ATP5ME: variants seen among roughly 807,000 people sequenced by gnomAD.
The protein encoded by ATP5ME is ATP synthase F(0) complex subunit e, mitochondrial.
In ATP5ME, 10 loss-of-function variants were observed where a neutral mutation model predicts 11.6. The ratio of observed to expected loss-of-function variants is 0.86; its 90% CI spans 0.53 to 1.46. The LOEUF (loss-of-function observed/expected upper bound fraction) is 1.46, where lower values mean the gene tolerates loss of function less well. Ranked by LOEUF, ATP5ME falls within the 40% of genes most tolerant of loss-of-function variation. The pLI is 0.00. For synonymous variants in ATP5ME, 45 were observed against 33.5 expected, an observed-to-expected ratio of 1.34 and a Z score of -1.19; for missense variants, 115 against 85.4, an observed-to-expected ratio of 1.35 and a Z score of -1.37.
Position 674,213 on chromosome 4 carries a change from T to A in ATP5ME, c.35A>T (p.Lys12Met). 1.2e-6 allele frequency: 2 copies of A among 1,611,638 alleles called. No homozygotes were observed. The highest frequency in any genetic ancestry group is 1.7e-6 in the Non-Finnish European group (2 of 1,179,260). Reference protein sequence around the residue: ...VPPVQVSPLIKLGRYSALFLG... With the variant: ...VPPVQVSPLIMLGRYSALFLG... ...CGGCGGCTGCAAAGCCTGGATCACC[T>A]TGATGAGCGGAGAGACCTGCACCGG... The change falls in exon 1 of 4, where the codon AAG (lysine) becomes ATG (methionine). Residue 12 changes from lysine (K) to methionine (M), a missense_variant and splice_region_variant. Physicochemically the swap from Lys to Met is moderately conservative, Grantham distance 95. Transcript: ENST00000304312.
At chr4:674,014 CG>C in intron 1 of ATP5ME, 48 bp from the exon 2 acceptor site, 1 of 874,354 alleles carries the variant, frequency 1.1e-6, no homozygotes. Context: ...GCTCGCGGGA[CG>C]GGGGTCGCGG....
rs771318416 is a variant in ATP5ME at position 672,489 on chromosome 4, C to G, written c.*11G>C. ...TCCGCTGCTGGTCCAAAGAGTGGGT[C>G]GCAGGGTCACTCACTTTAATATGCT... On this transcript the variant is annotated 3_prime_UTR_variant, in exon 4 of 4. Coordinates refer to ENST00000304312, the MANE Select transcript of ATP5ME (RefSeq NM_007100.4). 6.2e-7 allele frequency: 1 copy of G among 1,613,908 alleles called. No homozygotes were observed. The highest frequency in any genetic ancestry group is 1.1e-5 in the South Asian group (1 of 91,066).
chr4:673,412 G>C lies in ATP5ME; in HGVS notation c.92-11C>G. Reference sequence around the variant, plus strand: ...GAGGTTTTAGGTAATCTGTTTGGCGGAATGCAGGAGAATAAAATTCACTGG... The same window carrying C: ...GAGGTTTTAGGTAATCTGTTTGGCGCAATGCAGGAGAATAAAATTCACTGG... On this transcript the variant is annotated splice_polypyrimidine_tract_variant and intron_variant, in intron 2 of 3. Transcript: ENST00000304312. 6.2e-7 allele frequency: 1 copy of C among 1,614,076 alleles called. No individual in the cohort carries two copies. Among genetic ancestry groups the C allele is most frequent in the Admixed American group, 1.7e-5 (1 of 60,024 alleles).
At chr4:673,622 G>A in intron 2 of ATP5ME, 1 of 815,448 alleles carries the variant, frequency 1.2e-6, no homozygotes, top group Non-Finnish European at 1.9e-6. Flanking sequence ...TGGCTCACTC[G>A]TCCTCTGCGA....
chr4:673,428 A>G, intron 2 of ATP5ME, 27 bp from the exon 3 acceptor site: 1 of 1,613,948 alleles, frequency 6.2e-7, no homozygotes, highest in Non-Finnish European at 8.5e-7. Context: ...AGGAGAATAA[A>G]ATTCACTGGA....
intron 1 of ATP5ME, 75 bp from the exon 2 acceptor site, chr4:674,041 G>T: frequency 6.6e-7 from 1 of 1,515,414 alleles, no homozygotes; most frequent in East Asian, 2.5e-5. Flanking sequence ...GGGGGGGCGG[G>T]GTCGCTGGGC....
At chr4:673,218 G>C in intron 3 of ATP5ME, 85 bp downstream of exon 3, 1 of 1,601,150 alleles carries the variant, frequency 6.2e-7, no homozygotes, top group Non-Finnish European at 8.5e-7. Flanking sequence ...CATCTACTTA[G>C]CTCTGCTTAA....
intron 2 of ATP5ME, chr4:673,700 G>T: frequency 1.2e-6 from 1 of 810,984 alleles, no homozygotes; most frequent in Non-Finnish European, 2.0e-6. Context: ...TCACCAAGAA[G>T]CAGCCGTTTT....
At position 673,302 on chromosome 4, in the gene ATP5ME, C is replaced by G. The variant is rs113061105; in HGVS notation, c.190+1G>C. The G allele has an allele frequency of 6.2e-7, 1 of 1,614,090 alleles. No individual in the cohort carries two copies. The highest frequency in any genetic ancestry group is 2.2e-5 in the East Asian group (1 of 44,900). ...TCTATAAGAGCCAGTGTCACTCGTA[C>G]CTTCTGCCAATTCTCTGGCAATCCG... On this transcript the variant is annotated splice_donor_variant, in intron 3 of 3. Coordinates refer to ENST00000304312, the MANE Select transcript of ATP5ME (RefSeq NM_007100.4). LOFTEE classifies it high-confidence loss of function.
At chr4:674,101 G>A (rs1738662991) in intron 1 of ATP5ME, 111 bp downstream of exon 1, 1 of 1,455,554 alleles carries the variant, frequency 6.9e-7, no homozygotes, top group Non-Finnish European at 9.3e-7. Context: ...GGGTCACGGG[G>A]CGAGGATCAT....
chr4:673,272 G>T (rs761788482), intron 3 of ATP5ME, 31 bp downstream of exon 3: 11 of 1,613,970 alleles, frequency 6.8e-6, no homozygotes, highest in Non-Finnish European at 9.3e-6. Context: ...ACCTGGGAGG[G>T]ACAATCTATA....
At chr4:673,498 C>T (rs996728442) in intron 2 of ATP5ME, 97 bp from the exon 3 acceptor site, 13 of 1,586,364 alleles carry the variant, frequency 8.2e-6, no homozygotes, top group Non-Finnish European at 1.1e-5. Flanking sequence ...CGCTGTAAAC[C>T]AGACGCACCT....
At position 672,529 on chromosome 4, in the gene ATP5ME, G is replaced by C. The variant is rs1188502348; in HGVS notation, c.191-10C>G. On this transcript the variant is annotated splice_polypyrimidine_tract_variant and intron_variant, in intron 3 of 3. Transcript: ENST00000304312. ...TTTAATATGCTGTCATCTTGGGCCG[G>C]AAGGTTAGAAGAAAAGCACATGTTA... 6.2e-7 allele frequency: 1 copy of C among 1,613,842 alleles called. No homozygotes were observed. The highest frequency in any genetic ancestry group is 1.7e-5 in the Admixed American group (1 of 59,996).
intron 2 of ATP5ME, 132 bp downstream of exon 2, chr4:673,780 G>T (rs1197470106): frequency 4.7e-6 from 6 of 1,275,048 alleles, no homozygotes; most frequent in Non-Finnish European, 4.4e-6. Flanking sequence ...GGTCACGCTC[G>T]GTGGAGGACA....
chr4:674,157 G>C, intron 1 of ATP5ME, 55 bp downstream of exon 1: 2 of 1,585,894 alleles, frequency 1.3e-6, no homozygotes, highest in Non-Finnish European at 1.7e-6. Flanking sequence ...GGAGCTGCGG[G>C]GCGGGACACG....
chr4:673,006 C>T (rs1265660631), intron 3 of ATP5ME, among the ~76,000 whole-genome samples: 1 of 152,212 alleles, frequency 6.6e-6, no homozygotes, highest in African/African-American at 2.4e-5. Flanking sequence ...TCTCAGCCTC[C>T]CAAAGTGCTA....
chr4:673,367 CCTCCT>C lies in ATP5ME; in HGVS notation c.121_125del (p.Arg41AspfsTer11). 8.7e-6 allele frequency: 14 copies of C among 1,614,214 alleles called. No individual in the cohort carries two copies. The highest frequency in any genetic ancestry group is 1.2e-5 in the Non-Finnish European group (14 of 1,180,020). The stretch of plus-strand genomic sequence containing the variant: ...GCTTCTTCTTCTCTTCTGCTGCTAT[CCTCCT>C]CTCCTCTTCTGCCCGAGGTTTTAGG... On this transcript the variant is annotated frameshift_variant, in exon 3 of 4. Transcript: ENST00000304312. LOFTEE classifies it high-confidence loss of function.
At chr4:673,207 GCATCTA>G in intron 3 of ATP5ME, 90 bp downstream of exon 3, 1 of 1,574,914 alleles carries the variant, frequency 6.3e-7, no homozygotes, top group Non-Finnish European at 8.7e-7. Context: ...TAAACAATCC[GCATCTA>G]CTTAGCTCTG....
Position 673,284 on chromosome 4 carries a change from G to A in ATP5ME, c.190+19C>T, listed in dbSNP as rs753138965. On this transcript the variant is annotated intron_variant, in intron 3 of 3. Transcript: ENST00000304312. The stretch of plus-strand genomic sequence containing the variant: ...CAAACCTGGGAGGGACAATCTATAA[G>A]AGCCAGTGTCACTCGTACCTTCTGC... 8.1e-6 allele frequency: 13 copies of A among 1,614,156 alleles called. No individual in the cohort carries two copies. The highest frequency in any genetic ancestry group is 2.2e-5 in the East Asian group (1 of 44,892).
Sources: gnomAD v4.1 joint callset for allele counts (sites outside exome capture counted in the v4.1 genomes callset) on GRCh38, gnomAD v4.1.1 for gene constraint, MANE v1.5 for transcripts, NCBI Gene and HGNC (gene_info 2026-07-23, HGNC 2026-07-21) for gene names.